RORA: variants seen among roughly 807,000 people sequenced by gnomAD.
The protein encoded by RORA is nuclear receptor ROR-alpha.
RORA carries 7 observed loss-of-function variants against 69.5 expected under a neutral mutation model. That is an observed-to-expected ratio of 0.10 (90% confidence interval 0.06 to 0.19). RORA has a LOEUF of 0.19. Ranked by LOEUF, RORA falls within the 10% of genes least tolerant of loss-of-function variation. RORA has a pLI of 1.00. For synonymous variants in RORA, 261 were observed against 240.8 expected (o/e 1.08, Z -0.78); for missense variants, 457 against 663.0 (o/e 0.69, Z 3.41).
chr15:60,728,640 G>A (rs1254783161), intron 1 of RORA, among the ~76,000 whole-genome samples: 1 of 152,096 alleles, frequency 6.6e-6, no homozygotes, highest in Non-Finnish European at 1.5e-5. Context: ...AATATTATAA[G>A]TAAAATGCAT....
intron 1 of RORA, among the ~76,000 whole-genome samples, chr15:60,707,070 C>CACTTTTTCCAATGTTGGAACTCAACA: frequency 6.6e-6 from 1 of 152,266 alleles, no homozygotes; most frequent in Non-Finnish European, 1.5e-5. Flanking sequence ...GGGAAGATAC[C>CACTTTTTCCAATGTTGGAACTCAACA]ACTTTTTCCA....
chr15:60,844,133 A>G (rs917553571), intron 1 of RORA, among the ~76,000 whole-genome samples: 1 of 151,914 alleles, frequency 6.6e-6, no homozygotes, highest in Non-Finnish European at 1.5e-5. Flanking sequence ...TAGTCCCCTC[A>G]CTTGTCTTCC....
At chr15:60,887,025 G>C (rs978895407) in intron 1 of RORA, among the ~76,000 whole-genome samples, 2 of 152,110 alleles carry the variant, frequency 1.3e-5, no homozygotes, top group African/African-American at 4.8e-5. Context: ...TTCCTTGATA[G>C]TTTTTATTGC....
intron 2 of RORA, among the ~76,000 whole-genome samples, chr15:60,642,716 A>G (rs1247627618): frequency 6.6e-6 from 1 of 152,096 alleles, no homozygotes. Context: ...CAAAAAATTT[A>G]CAAAAAAAAT....
intron 1 of RORA, among the ~76,000 whole-genome samples, chr15:60,910,272 A>T (rs548199144): frequency 6.6e-6 from 1 of 152,314 alleles, no homozygotes; most frequent in African/African-American, 2.4e-5. Flanking sequence ...CCCTGACTGG[A>T]TTCCCTAAAC....
At chr15:60,742,593 T>C (rs2071588837) in intron 1 of RORA, among the ~76,000 whole-genome samples, 2 of 152,244 alleles carry the variant, frequency 1.3e-5, no homozygotes, top group Non-Finnish European at 2.9e-5. Flanking sequence ...ATTCCTCCCG[T>C]CTAATTGAAA....
intron 1 of RORA, chr15:60,736,816 G>C (rs1045730221): frequency 6.6e-6 from 1 of 152,178 alleles, no homozygotes; most frequent in African/African-American, 2.4e-5. Flanking sequence ...TCTGATCTTG[G>C]AAGCTAAGCA....
intron 5 of RORA, among the ~76,000 whole-genome samples, chr15:60,506,183 CTG>C (rs1393735505): frequency 1.3e-5 from 2 of 152,160 alleles, no homozygotes; most frequent in African/African-American, 4.8e-5. Flanking sequence ...CCATTTGAGT[CTG>C]TATCTCAGCT....
chr15:60,730,366 T>C (rs2071412760), intron 1 of RORA, among the ~76,000 whole-genome samples: 1 of 152,230 alleles, frequency 6.6e-6, no homozygotes, highest in Non-Finnish European at 1.5e-5. Flanking sequence ...GGCCAAATGG[T>C]CTTAACCTTT....
intron 1 of RORA, among the ~76,000 whole-genome samples, chr15:61,105,074 T>A (rs558591211): frequency 2.7e-5 from 4 of 150,048 alleles, no homozygotes; most frequent in African/African-American, 9.8e-5. Context: ...GTCTTGGGTA[T>A]GTCTTTGTCA....
At chr15:60,774,630 T>G (rs150279938) in intron 1 of RORA, among the ~76,000 whole-genome samples, 183 of 152,330 alleles carry the variant, frequency 1.2e-3, no homozygotes, top group African/African-American at 4.3e-3. Flanking sequence ...CACCCATATC[T>G]AGGTAACACA....
chr15:60,810,741 G>C (rs182016498), intron 1 of RORA, among the ~76,000 whole-genome samples: 85 of 146,054 alleles, frequency 5.8e-4, no homozygotes, highest in African/African-American at 2.1e-3. Context: ...TCCTCCCTTC[G>C]TAGTTTCTGT....
intron 1 of RORA, among the ~76,000 whole-genome samples, chr15:61,074,525 G>C (rs1250627160): frequency 6.6e-6 from 1 of 152,154 alleles, no homozygotes; most frequent in East Asian, 1.9e-4. Flanking sequence ...TCTACAAATG[G>C]GTTTAGAGTT....
chr15:60,580,379 C>T (rs939107718), intron 2 of RORA, among the ~76,000 whole-genome samples: 1 of 152,204 alleles, frequency 6.6e-6, no homozygotes, highest in Non-Finnish European at 1.5e-5. Context: ...AAGAGGCATA[C>T]TGCACTAACT....
chr15:60,943,940 A>AAAAAAAAAAAAAAAAAAAT (rs397950785), intron 1 of RORA, among the ~76,000 whole-genome samples: 1 of 142,394 alleles, frequency 7.0e-6, no homozygotes, highest in African/African-American at 2.6e-5. Flanking sequence ...AAAAAAAAAA[A>AAAAAAAAAAAAAAAAAAAT]GTGAGTAATG....
chr15:60,646,590 G>A (rs2070050137), intron 2 of RORA, among the ~76,000 whole-genome samples: 1 of 152,226 alleles, frequency 6.6e-6, no homozygotes, highest in African/African-American at 2.4e-5. Context: ...CCAAGCCCCC[G>A]AATGGTGGCA....
rs1016393783 is a variant in RORA, at chr15:60,705,096, G to A, written c.167-26410C>T. ...TTGTTTTGCTTTCCTCCTAGTAAGAGTATCGTTCTCATTATGACATTTTTG... is the reference window on the plus strand; with the variant it reads ...TTGTTTTGCTTTCCTCCTAGTAAGAATATCGTTCTCATTATGACATTTTTG... On this transcript the variant is annotated intron_variant, in intron 1 of 10. Transcript: ENST00000335670. Among the ~76,000 whole-genome samples, 6 of 149,836 alleles carry A rather than the reference G, an allele frequency of 4.0e-5. No individual in the cohort carries two copies. The Admixed American group carries it at 4.0e-4, about 10-fold the overall frequency.
chr15:61,066,552 G>A (rs896039997), intron 1 of RORA, among the ~76,000 whole-genome samples: 35 of 148,320 alleles, frequency 2.4e-4, no homozygotes, highest in South Asian at 4.3e-4. Flanking sequence ...TCAGCTTCCC[G>A]AGTAGCTGGG....
chr15:60,490,153 G>A lies in RORA; in HGVS notation c.*7302C>T, dbSNP rs1310798588. The stretch of plus-strand genomic sequence containing the variant: ...CTGATACAGCTGCCAGTTGGGCATA[G>A]GTAGATATATATATATATGTATATA... On this transcript the variant is annotated 3_prime_UTR_variant, in exon 11 of 11. Transcript: ENST00000335670. The surrounding 1 kb of genome is among the most constrained non-coding windows in gnomAD (Gnocchi z 4.1). 2 of 138,912 alleles carry A rather than the reference G, an allele frequency of 1.4e-5. No homozygotes were observed. Among genetic ancestry groups the A allele is most frequent in the Non-Finnish European group, 3.2e-5 (2 of 62,836 alleles). The allele number at this position is 138,912 out of a possible 1,614,324, so 8.6% of individuals were successfully genotyped here. A position where few individuals can be genotyped will look rare whatever the true frequency, so the allele number is the denominator to read the frequency against.
Sources: gnomAD v4.1 joint callset for allele counts (sites outside exome capture counted in the v4.1 genomes callset) on GRCh38, gnomAD v4.1.1 for gene constraint, Gnocchi (gnomAD v3.1) non-coding constraint, MANE v1.5 for transcripts, NCBI Gene and HGNC (gene_info 2026-07-23, HGNC 2026-07-21) for gene names.